ZNF804B: variants seen among roughly 807,000 people sequenced by gnomAD.
The protein encoded by ZNF804B is zinc finger 804B.
ZNF804B carries 80 observed loss-of-function variants against 101.4 expected under a neutral mutation model. The observed-to-expected ratio is 0.79, with a 90% CI of 0.66 to 0.95. The LOEUF (loss-of-function observed/expected upper bound fraction) is 0.95, where lower values mean the gene tolerates loss of function less well. ZNF804B is among the 40% of genes least tolerant of loss of function. The pLI is 0.00. For synonymous variants in ZNF804B, 622 were observed against 558.8 expected, an observed-to-expected ratio of 1.11 and a Z score of -1.59; for missense variants, 1,673 against 1,561.9, an observed-to-expected ratio of 1.07 and a Z score of -1.20.
intron 1 of ZNF804B, among the ~76,000 whole-genome samples, chr7:89,162,881 ACC>A (rs1308645207): frequency 1.2e-5 from 1 of 84,954 alleles, no homozygotes; most frequent in African/African-American, 4.2e-5. Context: ...TTCAATTCCC[ACC>A]TATGAATTCT....
intron 1 of ZNF804B, among the ~76,000 whole-genome samples, chr7:88,786,817 A>G (rs1790309465): frequency 6.6e-6 from 1 of 152,160 alleles, no homozygotes; most frequent in African/African-American, 2.4e-5. Context: ...ACTTTTGATA[A>G]AAGTAAAATT....
intron 2 of ZNF804B, among the ~76,000 whole-genome samples, chr7:89,316,037 C>T (rs966362625): frequency 6.6e-6 from 1 of 152,034 alleles, no homozygotes; most frequent in African/African-American, 2.4e-5. Flanking sequence ...ATGTGGGTAT[C>T]ACCAAAAAAT....
chr7:89,247,410 A>G (rs1789466335), intron 2 of ZNF804B, among the ~76,000 whole-genome samples: 1 of 152,178 alleles, frequency 6.6e-6, no homozygotes, highest in South Asian at 2.1e-4. Context: ...GCTCTTAACT[A>G]TAAGCACCAT....
chr7:88,878,475 A>G (rs1162451080), intron 1 of ZNF804B, among the ~76,000 whole-genome samples: 1 of 152,196 alleles, frequency 6.6e-6, no homozygotes, highest in African/African-American at 2.4e-5. Context: ...TAAAACAGAT[A>G]TAATAAGGGT....
intron 1 of ZNF804B, among the ~76,000 whole-genome samples, chr7:89,148,392 C>T (rs1790821446): frequency 6.6e-6 from 1 of 151,866 alleles, no homozygotes; most frequent in Non-Finnish European, 1.5e-5. Context: ...TTGTAGCATA[C>T]AGATAGCAAA....
intron 1 of ZNF804B, among the ~76,000 whole-genome samples, chr7:89,202,197 T>TA (rs1788651539): frequency 6.6e-6 from 1 of 152,114 alleles, no homozygotes; most frequent in Admixed American, 6.6e-5. Context: ...AAGACAATTT[T>TA]AAAAATAATT....
At chr7:88,852,506 T>C (rs1791462680) in intron 1 of ZNF804B, among the ~76,000 whole-genome samples, 1 of 151,982 alleles carries the variant, frequency 6.6e-6, no homozygotes, top group African/African-American at 2.4e-5. Flanking sequence ...CCACTCCCAA[T>C]AAGACTCAGA....
At chr7:89,257,235 G>A (rs1789645798) in intron 2 of ZNF804B, among the ~76,000 whole-genome samples, 1 of 152,084 alleles carries the variant, frequency 6.6e-6, no homozygotes. Flanking sequence ...AAATACTGGA[G>A]TCAATTTCTG....
At position 89,336,618 on chromosome 7, in the gene ZNF804B, G is replaced by T; in HGVS notation, c.3636G>T (p.Thr1212=). The change falls in exon 4 of 4, where the codon ACG becomes ACT. Residue 1212 remains threonine, a synonymous_variant. Coordinates refer to ENST00000333190, the MANE Select transcript of ZNF804B (RefSeq NM_181646.5). ...CTTCTATCACCACCATCCACCACAC[G>T]TTCCTGCAGCATTTTGCTGTTTCTG... ...QHTSITTIHH[T]FLQHFAVSAS... The T allele has an allele frequency of 6.2e-7, 1 of 1,613,976 alleles. No homozygotes were observed. The highest frequency in any genetic ancestry group is 8.5e-7 in the Non-Finnish European group (1 of 1,179,964).
chr7:89,102,018 A>G (rs1790062488), intron 1 of ZNF804B, among the ~76,000 whole-genome samples: 1 of 151,772 alleles, frequency 6.6e-6, no homozygotes, highest in Admixed American at 6.6e-5. Flanking sequence ...AGCTCCATTC[A>G]TTTATAGCTG....
chr7:88,835,632 G>T (rs76570377), intron 1 of ZNF804B, among the ~76,000 whole-genome samples: 5,938 of 151,874 alleles, frequency 0.039, 405 homozygotes, highest in African/African-American at 0.14. Context: ...AATAAAATTT[G>T]CAATGGTGTA....
chr7:88,866,948 T>G (rs1160300108), intron 1 of ZNF804B, among the ~76,000 whole-genome samples: 2 of 152,192 alleles, frequency 1.3e-5, no homozygotes, highest in Non-Finnish European at 2.9e-5. Flanking sequence ...CACCAAGTGT[T>G]TCTGTGAAAG....
intron 1 of ZNF804B, among the ~76,000 whole-genome samples, chr7:88,810,080 A>G (rs1414977466): frequency 6.6e-6 from 1 of 152,176 alleles, no homozygotes; most frequent in East Asian, 1.9e-4. Flanking sequence ...TAAATTAACC[A>G]CTACCAATGT....
chr7:89,259,457 A>G (rs1450446800), intron 2 of ZNF804B, among the ~76,000 whole-genome samples: 5 of 152,184 alleles, frequency 3.3e-5, no homozygotes, highest in African/African-American at 1.2e-4. Context: ...AGACTTGATG[A>G]CTTTCACAGC....
chr7:88,796,168 A>G (rs1303629308), intron 1 of ZNF804B, among the ~76,000 whole-genome samples: 1 of 152,094 alleles, frequency 6.6e-6, no homozygotes, highest in Non-Finnish European at 1.5e-5. Flanking sequence ...CATCTCTTAA[A>G]ATTGCATCCA....
At chr7:89,105,881 A>T (rs1790129068) in intron 1 of ZNF804B, among the ~76,000 whole-genome samples, 1 of 152,114 alleles carries the variant, frequency 6.6e-6, no homozygotes, top group Admixed American at 6.6e-5. Context: ...AATTAATTTG[A>T]TGTAGTGGTT....
At chr7:89,263,160 T>G (rs1367534200) in intron 2 of ZNF804B, among the ~76,000 whole-genome samples, 1 of 152,188 alleles carries the variant, frequency 6.6e-6, no homozygotes, top group African/African-American at 2.4e-5. Flanking sequence ...TCCGTCTTCC[T>G]GACCTCCTTC....
intron 1 of ZNF804B, among the ~76,000 whole-genome samples, chr7:88,843,408 T>C (rs1293253703): frequency 6.6e-6 from 1 of 152,154 alleles, no homozygotes; most frequent in Non-Finnish European, 1.5e-5. Flanking sequence ...ATGATGTCAC[T>C]ATAAATAATT....
chr7:89,095,166 A>C (rs1789953342), intron 1 of ZNF804B, among the ~76,000 whole-genome samples: 1 of 152,112 alleles, frequency 6.6e-6, no homozygotes, highest in Non-Finnish European at 1.5e-5. Flanking sequence ...CATTAATGAG[A>C]CTAAATGCCC....
Sources: gnomAD v4.1 joint callset for allele counts (sites outside exome capture counted in the v4.1 genomes callset) on GRCh38, gnomAD v4.1.1 for gene constraint, MANE v1.5 for transcripts, NCBI Gene and HGNC (gene_info 2026-07-23, HGNC 2026-07-21) for gene names.